The following RAB3C variants were observed in gnomAD, a reference collection of about 807,000 sequenced individuals.
The protein encoded by RAB3C is ras-related protein Rab-3C.
A neutral mutation model predicts 26.4 loss-of-function variants in RAB3C; 17 were observed. That is an observed-to-expected ratio of 0.64 (90% CI 0.44 to 0.97). RAB3C has a LOEUF of 0.97. RAB3C is among the 50% of genes least tolerant of loss of function. The pLI is 0.00. For synonymous variants in RAB3C, 91 were observed against 95.9 expected (o/e 0.95, Z 0.30); for missense variants, 242 against 281.9 (o/e 0.86, Z 1.01).
At chr5:58,587,394 G>A (rs1364209639) in intron 1 of RAB3C, among the ~76,000 whole-genome samples, 1 of 152,076 alleles carries the variant, frequency 6.6e-6, no homozygotes, top group Admixed American at 6.6e-5. Flanking sequence ...ATAGATTAAA[G>A]GTTTTCCAAC....
At chr5:58,727,995 T>C (rs1740927268) in intron 3 of RAB3C, among the ~76,000 whole-genome samples, 1 of 151,986 alleles carries the variant, frequency 6.6e-6, no homozygotes, top group African/African-American at 2.4e-5. Context: ...CTTTCCAACA[T>C]TTGTGCTTCT....
intron 1 of RAB3C, 153 bp from the exon 2 acceptor site, chr5:58,617,490 C>G (rs768684081): frequency 2.6e-6 from 2 of 779,450 alleles, no homozygotes; most frequent in Non-Finnish European, 4.7e-6. Context: ...ATACCAATAT[C>G]AGAGGAAGAC....
At chr5:58,846,873 T>G (rs925326271) in intron 4 of RAB3C, 1 of 151,950 alleles carries the variant, frequency 6.6e-6, no homozygotes, top group African/African-American at 2.4e-5. Context: ...CTAACATGTT[T>G]TATCAAACAA....
chr5:58,641,834 T>G (rs754234816), intron 2 of RAB3C, among the ~76,000 whole-genome samples: 10 of 152,214 alleles, frequency 6.6e-5, no homozygotes, highest in Admixed American at 3.9e-4. Context: ...ATTAACTGTT[T>G]TGTTCTTTTT....
chr5:58,701,327 A>G (rs1215740439), intron 2 of RAB3C, among the ~76,000 whole-genome samples: 3 of 152,106 alleles, frequency 2.0e-5, no homozygotes, highest in African/African-American at 7.2e-5. Context: ...CACATTCTAA[A>G]TTCTGTTATT....
chr5:58,675,821 T>C (rs1748213670), intron 2 of RAB3C, among the ~76,000 whole-genome samples: 2 of 152,098 alleles, frequency 1.3e-5, no homozygotes, highest in Admixed American at 1.3e-4. Flanking sequence ...TTCCCCAGCC[T>C]TCTCATTTCC....
intron 1 of RAB3C, among the ~76,000 whole-genome samples, chr5:58,610,012 A>T (rs1305734148): frequency 6.6e-6 from 1 of 152,106 alleles, no homozygotes; most frequent in Non-Finnish European, 1.5e-5. Flanking sequence ...ATTCTAATCG[A>T]TTCTGAGAGA....
chr5:58,592,185 C>T (rs561110735), intron 1 of RAB3C, among the ~76,000 whole-genome samples: 3 of 152,274 alleles, frequency 2.0e-5, no homozygotes, highest in African/African-American at 7.2e-5. Context: ...AGGCGTGAGC[C>T]ACTGCACCCA....
At chr5:58,804,079 T>C (rs958616554) in intron 3 of RAB3C, among the ~76,000 whole-genome samples, 8 of 150,752 alleles carry the variant, frequency 5.3e-5, no homozygotes, top group African/African-American at 2.0e-4. Context: ...AAAAATGAAA[T>C]TCTTAAAAAC....
rs143099665 is a variant in RAB3C at position 58,655,421 on chromosome 5, C to T, written c.252+37551C>T. On this transcript the variant is annotated intron_variant, in intron 2 of 4. Transcript: ENST00000282878. The stretch of plus-strand genomic sequence containing the variant: ...GCAAACTTAAGAAATGGAGAAGAGA[C>T]AGAGAAAGATAAAACCGGAATCGCT... 1.8e-3 allele frequency among the ~76,000 whole-genome samples: 267 copies of T among 152,226 alleles called. 1 individual carries two copies. The highest frequency in any genetic ancestry group is 6.8e-3 in the Middle Eastern group (2 of 294).
chr5:58,832,137 G>A (rs531678296), intron 4 of RAB3C, among the ~76,000 whole-genome samples: 1 of 152,336 alleles, frequency 6.6e-6, no homozygotes, highest in South Asian at 2.1e-4. Context: ...GGTCTTCCAG[G>A]ATGGATTCAT....
intron 2 of RAB3C, among the ~76,000 whole-genome samples, chr5:58,660,697 T>C (rs1361816800): frequency 6.6e-6 from 1 of 150,380 alleles, no homozygotes; most frequent in Admixed American, 6.6e-5. Context: ...TATTTCTTTA[T>C]CTGAAGCAGG....
chr5:58,820,883 A>G (rs1413173099), intron 3 of RAB3C, among the ~76,000 whole-genome samples: 2 of 152,322 alleles, frequency 1.3e-5, no homozygotes, highest in East Asian at 3.9e-4. Context: ...CTATTACAGC[A>G]GCCTGAGACC....
intron 3 of RAB3C, among the ~76,000 whole-genome samples, chr5:58,736,775 G>T (rs192481862): frequency 6.6e-6 from 1 of 152,256 alleles, no homozygotes; most frequent in African/African-American, 2.4e-5. Context: ...CGGTCCTGGG[G>T]TTATAACGTC....
At chr5:58,712,952 A>G (rs1418031358) in intron 2 of RAB3C, among the ~76,000 whole-genome samples, 1 of 152,234 alleles carries the variant, frequency 6.6e-6, no homozygotes, top group African/African-American at 2.4e-5. Flanking sequence ...AAACATAGGT[A>G]CAGGCTGGGA....
intron 4 of RAB3C, among the ~76,000 whole-genome samples, chr5:58,849,828 A>C (rs1744077046): frequency 6.6e-6 from 1 of 152,230 alleles, no homozygotes; most frequent in Admixed American, 6.5e-5. Flanking sequence ...ACTATTTAAG[A>C]AAATAAGTAT....
At chr5:58,630,811 T>G (rs1747172274) in intron 2 of RAB3C, among the ~76,000 whole-genome samples, 2 of 152,160 alleles carry the variant, frequency 1.3e-5, no homozygotes, top group Non-Finnish European at 1.5e-5. Context: ...TATAAATCAT[T>G]AATAATATTA....
intron 4 of RAB3C, among the ~76,000 whole-genome samples, chr5:58,847,976 C>T (rs890544951): frequency 1.3e-5 from 2 of 152,174 alleles, no homozygotes; most frequent in Non-Finnish European, 2.9e-5. Flanking sequence ...CCTGGCTCAG[C>T]CTCCTGAGTA....
intron 3 of RAB3C, among the ~76,000 whole-genome samples, chr5:58,797,090 C>T (rs189078782): frequency 1.0e-3 from 153 of 151,662 alleles, no homozygotes; most frequent in African/African-American, 3.7e-3. Flanking sequence ...ACTAATAATT[C>T]CACTAATGTT....
Sources: allele counts gnomAD v4.1 joint callset (sites outside exome capture counted in the v4.1 genomes callset), GRCh38; gene constraint gnomAD v4.1.1; transcripts MANE v1.5; gene names NCBI Gene and HGNC (gene_info 2026-07-23, HGNC 2026-07-21).